ASCC3: variants seen among roughly 807,000 people sequenced by gnomAD.
The protein encoded by ASCC3 is ASC-1 complex subunit P200.
In ASCC3, 158 loss-of-function variants were observed where a neutral mutation model predicts 256.3. The ratio of observed to expected loss-of-function variants is 0.62; its 90% CI spans 0.54 to 0.70. ASCC3 has a LOEUF of 0.70. ASCC3 is among the 30% of genes least tolerant of loss of function. The pLI, the probability that ASCC3 is intolerant of heterozygous loss-of-function variation, is 0.00. For synonymous variants in ASCC3, 948 were observed against 883.4 expected (o/e 1.07, Z -1.30); for missense variants, 2,259 against 2,626.0 (o/e 0.86, Z 3.05).
intron 30 of ASCC3, among the ~76,000 whole-genome samples, chr6:100,609,041 C>A (rs953007342): frequency 3.3e-5 from 5 of 151,104 alleles, no homozygotes; most frequent in African/African-American, 1.2e-4. Flanking sequence ...GGATTACAGG[C>A]GTGAGCCACC....
chr6:100,687,067 C>CACACACACACAG (rs1324795989), intron 13 of ASCC3, among the ~76,000 whole-genome samples: 1 of 149,248 alleles, frequency 6.7e-6, no homozygotes, highest in Non-Finnish European at 1.5e-5. Context: ...CACACACACA[C>CACACACACACAG]AGACCTGATC....
chr6:100,787,954 A>G (rs1166253542), intron 8 of ASCC3, among the ~76,000 whole-genome samples: 2 of 151,672 alleles, frequency 1.3e-5, no homozygotes, highest in Non-Finnish European at 2.9e-5. Flanking sequence ...CAAAAAGCAT[A>G]ATCGAGTTTT....
intron 31 of ASCC3, 23 bp from the exon 32 acceptor site, chr6:100,606,883 T>G: frequency 6.2e-7 from 1 of 1,607,084 alleles, no homozygotes; most frequent in Non-Finnish European, 8.5e-7. Context: ...ATAAAATATC[T>G]TATATCTAAG....
chr6:100,669,370 A>G (rs1776633103), intron 14 of ASCC3, among the ~76,000 whole-genome samples: 1 of 150,946 alleles, frequency 6.6e-6, no homozygotes, highest in South Asian at 2.1e-4. Context: ...AAGTGGAAAA[A>G]ATCACTTTTA....
At chr6:100,800,946 T>C (rs1472530090) in intron 5 of ASCC3, among the ~76,000 whole-genome samples, 1 of 152,030 alleles carries the variant, frequency 6.6e-6, no homozygotes, top group African/African-American at 2.4e-5. Context: ...CTTATGCGGT[T>C]AAGTTGCACA....
At chr6:100,687,820 G>A (rs2114979041) in intron 13 of ASCC3, among the ~76,000 whole-genome samples, 1 of 152,182 alleles carries the variant, frequency 6.6e-6, no homozygotes, top group African/African-American at 2.4e-5. Flanking sequence ...GAAATCAACA[G>A]CAGTTCAAGG....
chr6:100,825,205 G>A (rs1460456356), intron 4 of ASCC3, among the ~76,000 whole-genome samples: 2 of 151,770 alleles, frequency 1.3e-5, no homozygotes, highest in African/African-American at 4.8e-5. Context: ...ATGTGGCCTA[G>A]GACAGTTTTG....
At chr6:100,590,687 G>A (rs1771960973) in intron 34 of ASCC3, among the ~76,000 whole-genome samples, 1 of 152,038 alleles carries the variant, frequency 6.6e-6, no homozygotes, top group Non-Finnish European at 1.5e-5. Flanking sequence ...TTTTACATCT[G>A]TACAGGACTA....
At chr6:100,711,775 TC>T (rs1778865665) in intron 13 of ASCC3, among the ~76,000 whole-genome samples, 2 of 152,294 alleles carry the variant, frequency 1.3e-5, no homozygotes, top group Admixed American at 1.3e-4. Context: ...GAAAAGGTTC[TC>T]TTGTGATGGA....
chr6:100,690,270 A>T (rs772372481), intron 13 of ASCC3, among the ~76,000 whole-genome samples: 1 of 152,168 alleles, frequency 6.6e-6, no homozygotes, highest in Non-Finnish European at 1.5e-5. Context: ...CAAGAAAAAA[A>T]GTCTACGTGT....
rs142623409 is a variant in ASCC3 at position 100,701,006 on chromosome 6, G to C, written c.2151+14456C>G. Among the ~76,000 whole-genome samples the C allele has an allele frequency of 6.6e-4, 100 of 152,242 alleles. 2 individuals are homozygous for C. The highest frequency in any genetic ancestry group is 3.4e-3 in the Middle Eastern group (1 of 294). ...AGGACATGAGATTTGGGAGGGGCCA[G>C]GGTGGAATGATATGGTTTGGCTGTG... On this transcript the variant is annotated intron_variant, in intron 13 of 41. Transcript: ENST00000369162.
intron 32 of ASCC3, among the ~76,000 whole-genome samples, chr6:100,606,001 C>T (rs921101418): frequency 6.6e-6 from 1 of 151,648 alleles, no homozygotes; most frequent in Admixed American, 6.6e-5. Flanking sequence ...CTTTAAAATG[C>T]TGTTTAATAG....
intron 37 of ASCC3, among the ~76,000 whole-genome samples, chr6:100,527,325 T>C (rs754776135): frequency 6.6e-6 from 1 of 152,220 alleles, no homozygotes; most frequent in Non-Finnish European, 1.5e-5. Context: ...TTTCTTGGTC[T>C]AATTATAAGC....
At chr6:100,592,884 G>C (rs1447128837) in intron 34 of ASCC3, among the ~76,000 whole-genome samples, 2 of 152,104 alleles carry the variant, frequency 1.3e-5, no homozygotes, top group Middle Eastern at 3.4e-3. Context: ...TTTAATTATG[G>C]GTAAAGGATA....
intron 11 of ASCC3, among the ~76,000 whole-genome samples, chr6:100,721,209 T>C (rs966590064): frequency 6.6e-6 from 1 of 151,690 alleles, no homozygotes; most frequent in African/African-American, 2.4e-5. Flanking sequence ...TCATGAATGA[T>C]AGACCTCTTG....
intron 8 of ASCC3, among the ~76,000 whole-genome samples, chr6:100,770,720 A>T (rs996001199): frequency 6.6e-6 from 1 of 152,026 alleles, no homozygotes; most frequent in African/African-American, 2.4e-5. Context: ...CAATTTTTTT[A>T]ATCAGTAAAA....
intron 13 of ASCC3, among the ~76,000 whole-genome samples, chr6:100,711,143 G>A (rs73502960): frequency 4.6e-5 from 7 of 151,534 alleles, no homozygotes; most frequent in African/African-American, 1.2e-4. Context: ...CCATACTAAA[G>A]TACCAGGTAC....
In ASCC3 at chr6:100,509,176, G is replaced by T. The variant is rs1773634061; in HGVS notation, c.*210C>A. 3.3e-6 allele frequency: 2 copies of T among 602,670 alleles called. No homozygotes were observed. The highest frequency in any genetic ancestry group is 5.9e-6 in the Non-Finnish European group (2 of 339,098). 37.3% of individuals were successfully genotyped at this position (602,670 alleles called of 1,614,324 possible). A position where few individuals can be genotyped will look rare whatever the true frequency, so the allele number is the denominator to read the frequency against. On this transcript the variant is annotated 3_prime_UTR_variant, in exon 42 of 42. Transcript: ENST00000369162. ...TCTTACATATCAAGAAACTCATAAA[G>T]ATAACATTATAAAAGGCAACATTTG...
chr6:100,761,328 A>G (rs1781410824), intron 10 of ASCC3, among the ~76,000 whole-genome samples: 1 of 152,100 alleles, frequency 6.6e-6, no homozygotes, highest in Non-Finnish European at 1.5e-5. Context: ...CATTGCTACA[A>G]AAAATAACGA....
Sources: gnomAD v4.1 joint callset for allele counts (sites outside exome capture counted in the v4.1 genomes callset) on GRCh38, gnomAD v4.1.1 for gene constraint, MANE v1.5 for transcripts, NCBI Gene and HGNC (gene_info 2026-07-23, HGNC 2026-07-21) for gene names.